Variants in TRDN observed in about 807,000 individuals in gnomAD.
TRDN encodes the protein triadin.
TRDN carries 161 observed loss-of-function variants against 149.7 expected under a neutral mutation model. That is an observed-to-expected ratio of 1.08 (90% CI 0.95 to 1.23). TRDN has a LOEUF of 1.23. Among genes scored for constraint, TRDN ranks in the 50% most tolerant of loss-of-function variants. The probability of loss-of-function intolerance (pLI) is 0.00; values close to 1 mark genes in which losing one functional copy is unlikely to be tolerated. For missense variants in TRDN, 896 were observed against 823.5 expected, an observed-to-expected ratio of 1.09 and a Z score of -1.08; for synonymous variants, 294 against 250.5, an observed-to-expected ratio of 1.17 and a Z score of -1.64.
intron 1 of TRDN, among the ~76,000 whole-genome samples, chr6:123,628,683 A>G (rs1337115724): frequency 6.6e-6 from 1 of 152,106 alleles, no homozygotes; most frequent in Non-Finnish European, 1.5e-5. Context: ...TTGGAATCAA[A>G]TGTTTTATAA....
At chr6:123,415,553 C>A (rs1773615058) in intron 12 of TRDN, among the ~76,000 whole-genome samples, 1 of 152,166 alleles carries the variant, frequency 6.6e-6, no homozygotes, top group African/African-American at 2.4e-5. Context: ...CTTTCTATCC[C>A]ATATGTAAAT....
At chr6:123,365,586 G>A (rs1401685718) in intron 20 of TRDN, among the ~76,000 whole-genome samples, 1 of 152,154 alleles carries the variant, frequency 6.6e-6, no homozygotes, top group Non-Finnish European at 1.5e-5. Context: ...ATGCATCAGT[G>A]TATGTTGAGG....
At chr6:123,338,036 G>A (rs1212632756) in intron 21 of TRDN, among the ~76,000 whole-genome samples, 1 of 152,076 alleles carries the variant, frequency 6.6e-6, no homozygotes, top group African/African-American at 2.4e-5. Flanking sequence ...AACTCCATGA[G>A]GTATATAGGT....
At chr6:123,248,252 T>C (rs1776252944) in intron 38 of TRDN, among the ~76,000 whole-genome samples, 1 of 152,092 alleles carries the variant, frequency 6.6e-6, no homozygotes, top group Non-Finnish European at 1.5e-5. Context: ...GTATAACAGA[T>C]ACCACAGAAA....
chr6:123,308,627 C>T (rs1380922066), intron 24 of TRDN, among the ~76,000 whole-genome samples: 1 of 152,008 alleles, frequency 6.6e-6, no homozygotes, highest in African/African-American at 2.4e-5. Flanking sequence ...TAGAAAATCT[C>T]TATGTAGAGT....
chr6:123,368,416 G>A (rs548661902), intron 19 of TRDN, among the ~76,000 whole-genome samples: 58 of 152,250 alleles, frequency 3.8e-4, no homozygotes, highest in African/African-American at 1.3e-3. Context: ...AACCCTGTCT[G>A]CACCTTAGAA....
At chr6:123,488,050 C>T (rs1778049089) in intron 9 of TRDN, among the ~76,000 whole-genome samples, 1 of 152,094 alleles carries the variant, frequency 6.6e-6, no homozygotes, top group South Asian at 2.1e-4. Context: ...ATTCTTATAT[C>T]CTCTACTATG....
intron 1 of TRDN, among the ~76,000 whole-genome samples, chr6:123,588,595 C>T (rs546364950): frequency 6.6e-4 from 101 of 152,276 alleles, no homozygotes; most frequent in African/African-American, 2.3e-3. Flanking sequence ...GATTTATGAT[C>T]TCAGTCTGCT....
intron 12 of TRDN, among the ~76,000 whole-genome samples, chr6:123,421,861 C>T (rs1357923803): frequency 6.7e-6 from 1 of 149,442 alleles, no homozygotes; most frequent in Non-Finnish European, 1.5e-5. Context: ...CTAGTCCCAG[C>T]AACTCAGGGG....
chr6:123,514,364 A>C (rs915530273), intron 6 of TRDN, among the ~76,000 whole-genome samples: 1 of 152,096 alleles, frequency 6.6e-6, no homozygotes, highest in African/African-American at 2.4e-5. Context: ...CAAAACAAAA[A>C]AACAATCTTT....
chr6:123,314,187 A>C (rs1201535426), intron 24 of TRDN, among the ~76,000 whole-genome samples: 1 of 152,058 alleles, frequency 6.6e-6, no homozygotes, highest in African/African-American at 2.4e-5. Flanking sequence ...AAGTGGGCAA[A>C]ATACATGAAC....
intron 13 of TRDN, chr6:123,389,341 T>G (rs1017982877): frequency 8.5e-5 from 13 of 152,196 alleles, no homozygotes; most frequent in African/African-American, 3.1e-4. Context: ...TTTGAGATTG[T>G]GCATATTCCA....
intron 13 of TRDN, among the ~76,000 whole-genome samples, chr6:123,391,317 C>A (rs1403688519): frequency 1.3e-5 from 2 of 152,068 alleles, no homozygotes; most frequent in African/African-American, 2.4e-5. Flanking sequence ...ATATTTTTAA[C>A]AATTACCATC....
Position 123,636,881 on chromosome 6 carries a change from TG to T in TRDN, c.-107del, listed in dbSNP as rs1372664844. 9.0e-6 allele frequency: 12 copies of T among 1,337,126 alleles called. No individual in the cohort carries two copies. The highest frequency in any genetic ancestry group is 1.3e-5 in the Non-Finnish European group (12 of 937,924). The allele number at this position is 1,337,126 out of a possible 1,614,324, so 82.8% of individuals were successfully genotyped here. A position where few individuals can be genotyped will look rare whatever the true frequency, so the allele number is the denominator to read the frequency against. On this transcript the variant is annotated 5_prime_UTR_variant, in exon 1 of 41. Coordinates refer to ENST00000334268, the MANE Select transcript of TRDN (RefSeq NM_006073.4). Reference sequence around the variant, plus strand: ...TGGTGGAGGGTTCTGTGTCAAAACCTGGGGGCTCTTCGTTTTCCTGGCTGTT... The same window carrying T: ...TGGTGGAGGGTTCTGTGTCAAAACCTGGGGCTCTTCGTTTTCCTGGCTGTT...
chr6:123,429,665 A>C (rs1233463622), intron 12 of TRDN, among the ~76,000 whole-genome samples: 1 of 152,226 alleles, frequency 6.6e-6, no homozygotes, highest in Non-Finnish European at 1.5e-5. Context: ...TAACAGATTA[A>C]AAAATAACTG....
intron 34 of TRDN, 27 bp from the exon 35 acceptor site, chr6:123,259,689 C>T (rs1167781952): frequency 1.4e-6 from 2 of 1,438,994 alleles, no homozygotes; most frequent in South Asian, 1.3e-5. Context: ...CAACAAGAAA[C>T]CATCATTTTA....
intron 37 of TRDN, among the ~76,000 whole-genome samples, chr6:123,254,427 A>G (rs1043852478): frequency 2.6e-5 from 4 of 152,150 alleles, no homozygotes; most frequent in East Asian, 1.9e-4. Context: ...AGATTTATGT[A>G]TTTGCTATGA....
At position 123,388,543 on chromosome 6, in the gene TRDN, T is replaced by C. The variant is rs1781990518; in HGVS notation, c.1114A>G (p.Lys372Glu). ...ATACCTTCCTTCTTTTCATCCTTCT[T>C]AGCTGCTGCTGAAGTAATGAAAATA... is the stretch of plus-strand genomic sequence containing the variant. Reference protein sequence around the residue: ...TVKIAAQAAAKKDEKKEDSKK... With the variant: ...TVKIAAQAAAEKDEKKEDSKK... Residue 372 changes from lysine to glutamate, a missense_variant, in exon 14 of 41, where the codon AAG becomes GAG. Coordinates refer to ENST00000334268, the MANE Select transcript of TRDN (RefSeq NM_006073.4). 1 of 1,586,082 alleles carries C rather than the reference T, an allele frequency of 6.3e-7. No individual in the cohort carries two copies. The highest frequency in any genetic ancestry group is 8.6e-7 in the Non-Finnish European group (1 of 1,163,970).
At chr6:123,587,928 A>G (rs911117317) in intron 1 of TRDN, among the ~76,000 whole-genome samples, 1 of 152,174 alleles carries the variant, frequency 6.6e-6, no homozygotes, top group Non-Finnish European at 1.5e-5. Flanking sequence ...TTATCAGTTA[A>G]GGCAGGAACT....
Sources: allele counts gnomAD v4.1 joint callset (sites outside exome capture counted in the v4.1 genomes callset), GRCh38; gene constraint gnomAD v4.1.1; transcripts MANE v1.5; gene names NCBI Gene and HGNC (gene_info 2026-07-23, HGNC 2026-07-21).